The following ELMO1 variants were observed in gnomAD, a reference collection of about 807,000 sequenced individuals.
ELMO1 encodes the protein engulfment and cell motility 1.
In ELMO1, 26 loss-of-function variants were observed where a neutral mutation model predicts 98.9. The observed-to-expected ratio is 0.26, with a 90% CI of 0.19 to 0.36. The LOEUF is 0.36. ELMO1 is among the 10% of genes least tolerant of loss of function. The pLI is 1.00. For synonymous variants in ELMO1, 346 were observed against 346.0 expected, an observed-to-expected ratio of 1.00 and a Z score of 0.00; for missense variants, 627 against 935.2, an observed-to-expected ratio of 0.67 and a Z score of 4.30.
At chr7:37,069,043 G>C (rs957335981) in intron 15 of ELMO1, among the ~76,000 whole-genome samples, 11 of 152,114 alleles carry the variant, frequency 7.2e-5, no homozygotes, top group Non-Finnish European at 1.0e-4. Context: ...TAAGAGTCAG[G>C]GTTCTATCCT....
At chr7:37,324,499 C>T (rs560436721) in intron 2 of ELMO1, among the ~76,000 whole-genome samples, 1 of 152,152 alleles carries the variant, frequency 6.6e-6, no homozygotes, top group Non-Finnish European at 1.5e-5. Context: ...TGAACAGACA[C>T]GAGAAAAGGT....
At chr7:37,336,409 T>G (rs1800411238) in intron 2 of ELMO1, among the ~76,000 whole-genome samples, 1 of 152,050 alleles carries the variant, frequency 6.6e-6, no homozygotes, top group Non-Finnish European at 1.5e-5. Flanking sequence ...AACAGAGAAA[T>G]GAAACTAGTG....
At chr7:37,037,140 A>G (rs756271901) in intron 15 of ELMO1, among the ~76,000 whole-genome samples, 3 of 152,234 alleles carry the variant, frequency 2.0e-5, no homozygotes, top group Non-Finnish European at 4.4e-5. Flanking sequence ...CAGATCCACT[A>G]GTTAAACTCA....
intron 2 of ELMO1, among the ~76,000 whole-genome samples, chr7:37,334,377 C>T (rs758632155): frequency 6.6e-6 from 1 of 152,058 alleles, no homozygotes; most frequent in Non-Finnish European, 1.5e-5. Context: ...ACCTGGGAGA[C>T]GGAGGTTGCA....
chr7:37,014,774 T>A (rs918146979), intron 15 of ELMO1, among the ~76,000 whole-genome samples: 2 of 151,792 alleles, frequency 1.3e-5, no homozygotes, highest in African/African-American at 4.8e-5. Context: ...TCCTCAAGGC[T>A]CAGAATGGAA....
intron 4 of ELMO1, among the ~76,000 whole-genome samples, chr7:37,287,127 A>T (rs1346472106): frequency 6.6e-6 from 1 of 151,136 alleles, no homozygotes; most frequent in Non-Finnish European, 1.5e-5. Context: ...CGGGAGGTGG[A>T]GGTTGCAATG....
chr7:37,413,835 G>A (rs1048368458), intron 1 of ELMO1, among the ~76,000 whole-genome samples: 4 of 151,996 alleles, frequency 2.6e-5, no homozygotes, highest in East Asian at 3.9e-4. Context: ...ACACCACCAC[G>A]TCTGGCTAAT....
chr7:37,382,750 T>C (rs538396770), intron 1 of ELMO1, among the ~76,000 whole-genome samples: 1 of 152,110 alleles, frequency 6.6e-6, no homozygotes, highest in African/African-American at 2.4e-5. Context: ...TCTGCAAATT[T>C]ATTTTTCTTT....
At chr7:37,119,371 G>C (rs186444484) in intron 14 of ELMO1, among the ~76,000 whole-genome samples, 1 of 152,244 alleles carries the variant, frequency 6.6e-6, no homozygotes, top group East Asian at 1.9e-4. Flanking sequence ...CATAGTAAAG[G>C]CTCAAAAGAT....
chr7:37,288,282 T>C (rs866001401), intron 4 of ELMO1, among the ~76,000 whole-genome samples: 1 of 151,834 alleles, frequency 6.6e-6, no homozygotes. Flanking sequence ...TGGAGTGCAA[T>C]GGCACGATCT....
At chr7:36,937,857 C>CT (rs1382610323) in intron 16 of ELMO1, among the ~76,000 whole-genome samples, 12 of 152,196 alleles carry the variant, frequency 7.9e-5, no homozygotes, top group Non-Finnish European at 1.3e-4. Flanking sequence ...CTGAAGGAAG[C>CT]TGGAGGGATT....
intron 6 of ELMO1, among the ~76,000 whole-genome samples, chr7:37,244,952 C>T (rs1000623717): frequency 2.0e-5 from 3 of 152,086 alleles, no homozygotes; most frequent in Non-Finnish European, 4.4e-5. Flanking sequence ...GCAAATCTGG[C>T]TATAATAAAG....
intron 10 of ELMO1, among the ~76,000 whole-genome samples, chr7:37,218,168 C>T (rs1793403210): frequency 6.6e-6 from 1 of 151,920 alleles, no homozygotes; most frequent in South Asian, 2.1e-4. Flanking sequence ...AATTTCTTTC[C>T]TTTAAAAAGA....
At chr7:36,934,032 C>A (rs1786284805) in intron 16 of ELMO1, among the ~76,000 whole-genome samples, 1 of 152,190 alleles carries the variant, frequency 6.6e-6, no homozygotes, top group Non-Finnish European at 1.5e-5. Flanking sequence ...AGGATCCCAG[C>A]AGCTTTGGGT....
intron 8 of ELMO1, among the ~76,000 whole-genome samples, chr7:37,227,134 C>T (rs1436156955): frequency 6.6e-6 from 1 of 152,194 alleles, no homozygotes; most frequent in Admixed American, 6.5e-5. Context: ...TTTCCAGCTG[C>T]CTATTTTATA....
At chr7:37,287,565 T>TAA (rs1311707468) in intron 4 of ELMO1, among the ~76,000 whole-genome samples, 2 of 152,232 alleles carry the variant, frequency 1.3e-5, no homozygotes, top group African/African-American at 4.8e-5. Flanking sequence ...TTTCTGTTCA[T>TAA]AATAAAGGCA....
intron 13 of ELMO1, among the ~76,000 whole-genome samples, chr7:37,178,892 G>T (rs895564585): frequency 1.3e-5 from 2 of 152,184 alleles, no homozygotes; most frequent in Non-Finnish European, 1.5e-5. Flanking sequence ...AGAAGCTGTC[G>T]CAGGTTGAAT....
intron 14 of ELMO1, among the ~76,000 whole-genome samples, chr7:37,119,411 G>A (rs1234764751): frequency 6.6e-6 from 1 of 152,190 alleles, no homozygotes; most frequent in Non-Finnish European, 1.5e-5. Context: ...GGTAATTTCA[G>A]AGCATTTTCT....
At chr7:36,917,265 G>C (rs1784775273) in intron 16 of ELMO1, among the ~76,000 whole-genome samples, 1 of 152,162 alleles carries the variant, frequency 6.6e-6, no homozygotes, top group Admixed American at 6.5e-5. Flanking sequence ...ATATCCTTTT[G>C]AGTAGAAAAT....
Sources: gnomAD v4.1 joint callset for allele counts (sites outside exome capture counted in the v4.1 genomes callset) on GRCh38, gnomAD v4.1.1 for gene constraint, MANE v1.5 for transcripts, NCBI Gene and HGNC (gene_info 2026-07-23, HGNC 2026-07-21) for gene names.